LTK: variants seen among roughly 807,000 people sequenced by gnomAD.
LTK encodes the protein leukocyte tyrosine kinase receptor.
LTK carries 117 observed loss-of-function variants against 101.5 expected under a neutral mutation model. The ratio of observed to expected loss-of-function variants is 1.15; its 90% CI spans 0.99 to 1.34. The LOEUF (loss-of-function observed/expected upper bound fraction) is 1.34. Among genes scored for constraint, LTK ranks in the 40% most tolerant of loss-of-function variants. LTK has a pLI of 0.00. For synonymous variants in LTK, 563 were observed against 494.2 expected (o/e 1.14, Z -1.85); for missense variants, 1,252 against 1,164.7 (o/e 1.07, Z -1.09).
chr15:41,513,195 C>A (rs923462469), intron 1 of LTK, 75 bp from the exon 2 acceptor site: 10 of 1,485,084 alleles, frequency 6.7e-6, no homozygotes, highest in Non-Finnish European at 8.9e-6. Context: ...GAGAACCCCG[C>A]AACAGCTGCC....
rs1362551481 is a variant in LTK, at chr15:41,513,683, C to A, written c.27G>T (p.Val9=). The change falls in exon 1 of 20, where the codon GTG becomes GTT. Residue 9 remains valine, a synonymous_variant. Transcript: ENST00000263800. MGCWGQLL[V]WFGAAGAILC... is the part of the protein sequence containing the mutation. ...AGCACTTACCCGCGGCTCCGAACCA[C>A]ACCAGCAGCTGTCCCCAGCAGCCCA... The A allele has an allele frequency of 1.9e-6, 3 of 1,613,424 alleles. No homozygotes were observed. In the African/African-American group the frequency reaches 4.0e-5, roughly 22 times the overall value.
At chr15:41,508,388 G>A (rs1043998442) in intron 8 of LTK, among the ~76,000 whole-genome samples, 167 bp from the exon 9 acceptor site, 5 of 151,712 alleles carry the variant, frequency 3.3e-5, no homozygotes, top group Admixed American at 6.6e-5. Context: ...GGCCAACCCC[G>A]CCTCTACTAA....
In LTK at chr15:41,505,726, C is replaced by T; in HGVS notation, c.1684G>A (p.Ala562Thr). ...PQDELDFLME[A>T]LIISKFRHQN... ...TCCCAGGTGCACCTGATGATGAGGG[C>T]CTCCATGAGGAAATCCAGCTCATCC... Residue 562 changes from alanine (A) to threonine (T), a missense_variant, in exon 13 of 20, where the codon GCC becomes ACC. Transcript: ENST00000263800. 1 of 1,613,880 alleles carries T rather than the reference C, an allele frequency of 6.2e-7. No individual in the cohort carries two copies.
Position 41,509,028 on chromosome 15 carries a change from T to C in LTK, c.1096+3A>G. 6.3e-7 allele frequency: 1 copy of C among 1,599,514 alleles called. No individual in the cohort carries two copies. The highest frequency in any genetic ancestry group is 8.5e-7 in the Non-Finnish European group (1 of 1,172,152). On this transcript the variant is annotated splice_donor_region_variant and intron_variant, in intron 8 of 19. Coordinates refer to ENST00000263800, the MANE Select transcript of LTK (RefSeq NM_002344.6). ...GGCTCAGAGGTGGGGTTGGGGCCAA[T>C]ACCTGCCAGAGGCTGCAGGAAGAGC... is the stretch of plus-strand genomic sequence containing the variant.
rs748076658 is a variant in LTK, at chr15:41,512,640, C to A, written c.359+67G>T. On this transcript the variant is annotated intron_variant, in intron 3 of 19. Coordinates refer to ENST00000263800, the MANE Select transcript of LTK (RefSeq NM_002344.6). The stretch of plus-strand genomic sequence containing the variant: ...CGCAAGTCGGTGCGCACGTGGACTT[C>A]GTTACCCTGAGGGTGAAACCTCCAA... 344 of 1,456,796 alleles carry A rather than the reference C, an allele frequency of 2.4e-4. 1 individual carries two copies. Among genetic ancestry groups the A allele is most frequent in the Admixed American group, 3.8e-4 (15 of 39,698 alleles). The allele number at this position is 1,456,796 out of a possible 1,614,324, so 90.2% of individuals were successfully genotyped here.
chr15:41,512,846 C>T lies in LTK; in HGVS notation c.220G>A (p.Gly74Arg), dbSNP rs374997462. 2 of 1,612,268 alleles carry T rather than the reference C, an allele frequency of 1.2e-6. No individual in the cohort carries two copies. The highest frequency in any genetic ancestry group is 1.7e-6 in the Non-Finnish European group (2 of 1,179,510). The change falls in exon 3 of 20, where the codon GGG becomes AGG. Residue 74 changes from glycine to arginine, a missense_variant. By Grantham distance (125) the Gly-to-Arg change is moderately radical (BLOSUM62 -2). Transcript: ENST00000263800. ...TEGSWLFSTC[G>R]ASGRHGPTQT... The stretch of plus-strand genomic sequence containing the variant: ...GTGGGCCCATGCCGGCCGCTGGCCC[C>T]GCAGGTAGAAAACAGCCAAGACCCC...
rs1459238120 is a variant in LTK at position 41,507,596 on chromosome 15, C to T, written c.1311G>A (p.Leu437=). 6.2e-7 allele frequency: 1 copy of T among 1,613,968 alleles called. No homozygotes were observed. The highest frequency in any genetic ancestry group is 1.1e-5 in the South Asian group (1 of 91,014). Residue 437 remains leucine, a synonymous_variant, in exon 10 of 20, where the codon CTG becomes CTA. Transcript: ENST00000263800. ...LMVAVVATST[L]SLLMVCGVLI... ...GGACCCCACACACCATAAGGAGGCT[C>T]AGTGTTGAGGTTGCCACCACAGCCA...
intron 4 of LTK, 54 bp downstream of exon 4, chr15:41,512,061 G>A: frequency 1.3e-6 from 2 of 1,515,152 alleles, no homozygotes; most frequent in Non-Finnish European, 1.8e-6. Context: ...CCGGCCCCCA[G>A]GCAGCCCTCG....
At chr15:41,505,579 C>T (rs1385344267) in intron 13 of LTK, 49 bp from the exon 14 acceptor site, 1 of 1,611,488 alleles carries the variant, frequency 6.2e-7, no homozygotes, top group East Asian at 2.2e-5. Flanking sequence ...AGACGGAAAC[C>T]ATGTTTTAGG....
chr15:41,511,958 G>T lies in LTK; in HGVS notation c.516C>A (p.Ser172Arg), dbSNP rs981181801. 2.7e-6 allele frequency: 4 copies of T among 1,484,772 alleles called. No individual in the cohort carries two copies. The highest frequency in any genetic ancestry group is 1.8e-6 in the Non-Finnish European group (2 of 1,130,550). The allele number at this position is 1,484,772 out of a possible 1,614,324, so 92.0% of individuals were successfully genotyped here. ...QQGEDACPGGSPESQLVCLGE... is the reference protein window; with the variant it reads ...QQGEDACPGGRPESQLVCLGE... ...CGAGGCAGACGAGCTGGCTCTCCGG[G>T]CTACCCTGCGGGCAGCGGGGGAGGG... Residue 172 changes from serine (S) to arginine (R), a missense_variant, in exon 5 of 20, where the codon AGC (serine) becomes AGA (arginine). By Grantham distance (110) the Ser-to-Arg change is moderately radical. Coordinates refer to ENST00000263800, the MANE Select transcript of LTK (RefSeq NM_002344.6). The surrounding 1 kb of genome is among the most constrained non-coding windows in gnomAD (Gnocchi z 5.9).
Position 41,505,274 on chromosome 15 carries a change from A to T in LTK, c.1859T>A (p.Leu620Gln). 5.0e-6 allele frequency: 8 copies of T among 1,614,032 alleles called. No homozygotes were observed. The highest frequency in any genetic ancestry group is 6.8e-6 in the Non-Finnish European group (8 of 1,180,004). Residue 620 changes from leucine to glutamine, a missense_variant, in exon 15 of 20, where the codon CTG becomes CAG. Transcript: ENST00000263800. Reference protein sequence around the residue: ...GQPSPLVMRDLLQLAQDIAQG... With the variant: ...GQPSPLVMRDQLQLAQDIAQG... ...GGCTATGTCCTGGGCCAGTTGCAGCAGGTCCCGCATGACCAGAGGTGATGG... is the reference window on the plus strand; with the variant it reads ...GGCTATGTCCTGGGCCAGTTGCAGCTGGTCCCGCATGACCAGAGGTGATGG...
intron 3 of LTK, 115 bp from the exon 4 acceptor site, chr15:41,512,380 C>A (rs2051511146): frequency 3.9e-6 from 4 of 1,033,906 alleles, no homozygotes; most frequent in Non-Finnish European, 5.6e-6. Flanking sequence ...GACTTGGAGG[C>A]TGCAATCGAC....
In LTK at chr15:41,503,876, GAC is replaced by G. The variant is rs1393842973; in HGVS notation, c.*118_*119del. 8.2e-7 allele frequency: 1 copy of G among 1,216,750 alleles called. No homozygotes were observed. The highest frequency in any genetic ancestry group is 1.1e-6 in the Non-Finnish European group (1 of 890,280). The allele number at this position is 1,216,750 out of a possible 1,614,324, so 75.4% of individuals were successfully genotyped here. On this transcript the variant is annotated 3_prime_UTR_variant, in exon 20 of 20. Transcript: ENST00000263800. ...CCAGGCCAGCCCCGAGACAGGCCCA[GAC>G]ACACAGCACAGACTGCAGGGAACAG...
At chr15:41,510,491 C>T (rs2051419649) in intron 7 of LTK, among the ~76,000 whole-genome samples, 1 of 124,730 alleles carries the variant, frequency 8.0e-6, no homozygotes, top group African/African-American at 2.6e-5. Context: ...GACAGAATTT[C>T]CCTCTTGTCG....
Position 41,511,712 on chromosome 15 carries a change from G to A in LTK, c.657+105C>T, listed in dbSNP as rs2051470344. On this transcript the variant is annotated intron_variant, in intron 5 of 19. Coordinates refer to ENST00000263800, the MANE Select transcript of LTK (RefSeq NM_002344.6). This position sits in a 1 kb window ranked among gnomAD's most constrained non-coding sequence, Gnocchi z 5.9. ...GCCCAGCCCAGGCCAGCCCAGCCCA[G>A]CGCAGGGATAGGGGGACCCCAAGGG... 1 of 1,431,392 alleles carries A rather than the reference G, an allele frequency of 7.0e-7. No individual in the cohort carries two copies. The highest frequency in any genetic ancestry group is 9.1e-7 in the Non-Finnish European group (1 of 1,102,544). 88.7% of individuals were successfully genotyped at this position (1,431,392 alleles called of 1,614,324 possible). A position where few individuals can be genotyped will look rare whatever the true frequency, so the allele number is the denominator to read the frequency against.
At chr15:41,513,577 C>A (rs2051564690) in intron 1 of LTK, 90 bp downstream of exon 1, 2 of 1,221,998 alleles carry the variant, frequency 1.6e-6, no homozygotes, top group Non-Finnish European at 2.4e-6. Context: ...TCTGGAGGAA[C>A]CACTGACACC....
chr15:41,507,317 C>T, intron 10 of LTK, 27 bp from the exon 11 acceptor site: 1 of 1,569,918 alleles, frequency 6.4e-7, no homozygotes, highest in East Asian at 2.3e-5. Context: ...TAACGGCACA[C>T]CCTCCACCTG....
In LTK at chr15:41,505,381, G is replaced by C. The variant is rs376165812; in HGVS notation, c.1827+20C>G. 2 of 1,613,582 alleles carry C rather than the reference G, an allele frequency of 1.2e-6. No individual in the cohort carries two copies. Reference sequence around the variant, plus strand: ...CAGGGTCTTTAGAGGGGCCTGGGGGGGCTAAGACAAGGGTCTCACCAGGTG... The same window carrying C: ...CAGGGTCTTTAGAGGGGCCTGGGGGCGCTAAGACAAGGGTCTCACCAGGTG... On this transcript the variant is annotated intron_variant, in intron 14 of 19. Transcript: ENST00000263800.
At chr15:41,506,881 C>T (rs316622) in intron 11 of LTK, among the ~76,000 whole-genome samples, 51,291 of 152,118 alleles carry the variant, frequency 0.34, 9,074 homozygotes, top group Admixed American at 0.42. Context: ...TGAGCCACCA[C>T]GCCCAGCTGA....
Sources: allele counts gnomAD v4.1 joint callset (sites outside exome capture counted in the v4.1 genomes callset), GRCh38; gene constraint gnomAD v4.1.1; non-coding constraint Gnocchi (gnomAD v3.1); transcripts MANE v1.5; gene names NCBI Gene and HGNC (gene_info 2026-07-23, HGNC 2026-07-21).